The following SNRNP40 variants were observed in gnomAD, a reference collection of about 807,000 sequenced individuals.
SNRNP40 encodes the protein U5 small nuclear ribonucleoprotein 40 kDa protein.
SNRNP40 carries 21 observed loss-of-function variants against 45.8 expected under a neutral mutation model. That is an observed-to-expected ratio of 0.46 (90% CI 0.32 to 0.66). The LOEUF is 0.66. SNRNP40 is among the 30% of genes least tolerant of loss of function. SNRNP40 has a pLI of 0.03. For synonymous variants in SNRNP40, 142 were observed against 163.8 expected (o/e 0.87, Z 1.01); for missense variants, 344 against 439.1 (o/e 0.78, Z 1.94).
chr1:31,282,559 C>CTATCTATT (rs1232736169), intron 4 of SNRNP40: 3 of 18,686 alleles, frequency 1.6e-4, no homozygotes, highest in African/African-American at 5.9e-4. Context: ...GTCGCCTAGG[C>CTATCTATT]TATCTATCTA....
chr1:31,279,374 G>C (rs918640545), intron 5 of SNRNP40, among the ~76,000 whole-genome samples: 5 of 152,230 alleles, frequency 3.3e-5, no homozygotes, highest in African/African-American at 1.2e-4. Context: ...AAAGCTCTGA[G>C]AACAACAACT....
At chr1:31,262,732 T>C (rs867672405) in intron 8 of SNRNP40, among the ~76,000 whole-genome samples, 5 of 151,806 alleles carry the variant, frequency 3.3e-5, no homozygotes, top group South Asian at 4.2e-4. Context: ...TTAAAAAAAA[T>C]TATGAGGCTG....
chr1:31,269,201 C>A lies in SNRNP40; in HGVS notation c.815G>T (p.Arg272Ile). ...WDVRPFAPKE[R>I]CVKIFQGNVH... ...ATTTCCTTGAAATATCTTTACACAT[C>A]TCTCTTTGGGGGCAAATGGCCGGAC... Residue 272 changes from arginine (R) to isoleucine (I), a missense_variant, in exon 7 of 10, where the codon AGA becomes ATA. Physicochemically the swap from Arg to Ile is moderately conservative, Grantham distance 97. Transcript: ENST00000263694. 1.2e-6 allele frequency: 2 copies of A among 1,612,446 alleles called. No individual in the cohort carries two copies. The highest frequency in any genetic ancestry group is 1.7e-6 in the Non-Finnish European group (2 of 1,179,470).
chr1:31,261,453 CT>C (rs1477379527), intron 9 of SNRNP40, 75 bp downstream of exon 9: 1 of 946,280 alleles, frequency 1.1e-6, no homozygotes. Flanking sequence ...CAGATACCCG[CT>C]TTTGACTCTC....
intron 4 of SNRNP40, chr1:31,281,856 T>C (rs1261425916): frequency 6.2e-6 from 1 of 161,782 alleles, no homozygotes; most frequent in Non-Finnish European, 1.4e-5. Context: ...ACTAATTCAT[T>C]AGTAGGCTGC....
At chr1:31,294,498 T>C (rs1557681623) in intron 1 of SNRNP40, among the ~76,000 whole-genome samples, 1 of 151,148 alleles carries the variant, frequency 6.6e-6, no homozygotes, top group Admixed American at 6.6e-5. Flanking sequence ...CTTGCTCTGT[T>C]GCCCAGGCTG....
intron 5 of SNRNP40, among the ~76,000 whole-genome samples, chr1:31,279,229 C>A (rs189273071): frequency 6.6e-6 from 1 of 152,168 alleles, no homozygotes; most frequent in African/African-American, 2.4e-5. Context: ...TGGGTTTAAG[C>A]TGTTGTGCCT....
At chr1:31,272,649 C>A (rs771284568) in intron 5 of SNRNP40, among the ~76,000 whole-genome samples, 7 of 152,076 alleles carry the variant, frequency 4.6e-5, no homozygotes, top group Non-Finnish European at 8.8e-5. Context: ...TAGCATATGC[C>A]GGGCACAAGA....
intron 8 of SNRNP40, among the ~76,000 whole-genome samples, chr1:31,264,729 G>A (rs1418939101): frequency 6.6e-6 from 1 of 152,160 alleles, no homozygotes; most frequent in African/African-American, 2.4e-5. Flanking sequence ...CCTTCCCGTA[G>A]CCTATAGGAC....
chr1:31,272,738 TAA>T (rs1645947613), intron 5 of SNRNP40, among the ~76,000 whole-genome samples: 1 of 152,170 alleles, frequency 6.6e-6, no homozygotes, highest in Non-Finnish European at 1.5e-5. Context: ...AATATTTACA[TAA>T]TAAGCTATTA....
chr1:31,271,962 C>G (rs557246591), intron 5 of SNRNP40, among the ~76,000 whole-genome samples: 11 of 152,294 alleles, frequency 7.2e-5, no homozygotes, highest in African/African-American at 2.6e-4. Context: ...AAAGGTAGCT[C>G]AGGCTACCAC....
At chr1:31,290,919 T>C (rs910288783) in intron 3 of SNRNP40, among the ~76,000 whole-genome samples, 7 of 151,994 alleles carry the variant, frequency 4.6e-5, no homozygotes, top group African/African-American at 1.4e-4. Flanking sequence ...AAAAAGATTG[T>C]ACACATAGTT....
At position 31,274,382 on chromosome 1, in the gene SNRNP40, G is replaced by A. The variant is rs1429680509; in HGVS notation, c.655-2883C>T. On this transcript the variant is annotated intron_variant, in intron 5 of 9. Transcript: ENST00000263694. ...CTCCAGAGTAGCTGGGACTACAGGC[G>A]CGCACCACCACACCCAGCTAATTTT... 3.3e-5 allele frequency among the ~76,000 whole-genome samples: 5 copies of A among 151,756 alleles called. No individual in the cohort carries two copies. The East Asian group carries it at 5.8e-4, about 18-fold the overall frequency.
intron 4 of SNRNP40, among the ~76,000 whole-genome samples, chr1:31,285,526 A>T (rs1381720319): frequency 2.0e-5 from 3 of 152,208 alleles, no homozygotes; most frequent in Non-Finnish European, 4.4e-5. Flanking sequence ...GGCATAAGCC[A>T]CTGCACCTGG....
chr1:31,265,301 TA>T lies in SNRNP40; in HGVS notation c.920+2569del, dbSNP rs531205427. On this transcript the variant is annotated intron_variant, in intron 8 of 9. Transcript: ENST00000263694. The stretch of plus-strand genomic sequence containing the variant: ...TACTATGCCTGGCTAATTTTTTAAA[TA>T]TTTTTTTTATAGAGACAGGGTCCTG... 3.0e-3 allele frequency among the ~76,000 whole-genome samples: 460 copies of T among 151,958 alleles called. 1 individual carries two copies. Among genetic ancestry groups the T allele is most frequent in the African/African-American group, 0.01 (424 of 41,536 alleles).
chr1:31,281,352 A>G (rs1279462753), intron 5 of SNRNP40, 22 bp downstream of exon 5: 1 of 1,553,084 alleles, frequency 6.4e-7, no homozygotes, highest in Admixed American at 1.7e-5. Flanking sequence ...AAATGGAAAT[A>G]TATCATAAAC....
intron 5 of SNRNP40, among the ~76,000 whole-genome samples, chr1:31,279,013 G>A (rs753530355): frequency 6.6e-6 from 1 of 150,786 alleles, no homozygotes; most frequent in Non-Finnish European, 1.5e-5. Context: ...ATGGTACAGA[G>A]CGATTATGTT....
At chr1:31,293,389 C>G in intron 1 of SNRNP40, 41 bp from the exon 2 acceptor site, 5 of 1,544,372 alleles carry the variant, frequency 3.2e-6, no homozygotes, top group Non-Finnish European at 4.4e-6. Flanking sequence ...TGCATACAGA[C>G]AAAGGAGGCT....
intron 9 of SNRNP40, 94 bp downstream of exon 9, chr1:31,261,435 G>A (rs1415055944): frequency 5.1e-5 from 40 of 778,318 alleles, no homozygotes; most frequent in Middle Eastern, 7.1e-4. Flanking sequence ...ATGGAAATTC[G>A]TATAAAACAG....
Sources: allele counts gnomAD v4.1 joint callset (sites outside exome capture counted in the v4.1 genomes callset), GRCh38; gene constraint gnomAD v4.1.1; transcripts MANE v1.5; gene names NCBI Gene and HGNC (gene_info 2026-07-23, HGNC 2026-07-21).